Variants in DPP10 observed in about 807,000 individuals in gnomAD.
DPP10 encodes inactive dipeptidyl peptidase 10.
A neutral mutation model predicts 120.9 loss-of-function variants in DPP10; 33 were observed. That is an observed-to-expected ratio of 0.27 (90% CI 0.21 to 0.37). The LOEUF (loss-of-function observed/expected upper bound fraction) is 0.37. Ranked by LOEUF, DPP10 falls within the 10% of genes least tolerant of loss-of-function variation. The pLI, the probability that DPP10 is intolerant of heterozygous loss-of-function variation, is 1.00. For missense variants in DPP10, 816 were observed against 942.8 expected, an observed-to-expected ratio of 0.87 and a Z score of 1.76; for synonymous variants, 337 against 326.1, an observed-to-expected ratio of 1.03 and a Z score of -0.36.
intron 5 of DPP10, among the ~76,000 whole-genome samples, chr2:115,568,701 A>G (rs1030065263): frequency 1.8e-4 from 27 of 151,660 alleles, no homozygotes; most frequent in African/African-American, 4.6e-4. Flanking sequence ...GCTCATTCCC[A>G]TGGAGTTAAT....
Position 115,782,417 on chromosome 2 carries a change from C to T in DPP10, c.1531+18C>T. The T allele has an allele frequency of 1.2e-6, 2 of 1,605,468 alleles. No homozygotes were observed. Among genetic ancestry groups the T allele is most frequent in the African/African-American group, 1.3e-5 (1 of 74,866 alleles). ...CCCAGCAAGTGAGTACACAAGAAGA[C>T]AATTAAGAATAGTTATGGTTGGCAT... On this transcript the variant is annotated intron_variant, in intron 17 of 25. Coordinates refer to ENST00000410059, the MANE Select transcript of DPP10 (RefSeq NM_020868.6).
chr2:114,788,430 T>C (rs1335506335), intron 1 of DPP10, among the ~76,000 whole-genome samples: 6 of 151,624 alleles, frequency 4.0e-5, no homozygotes, highest in Non-Finnish European at 7.4e-5. Context: ...TTTTTTTTTT[T>C]CCTTGAGACG....
chr2:114,576,834 G>A, intron 1 of DPP10, among the ~76,000 whole-genome samples: 1 of 151,848 alleles, frequency 6.6e-6, no homozygotes, highest in Non-Finnish European at 1.5e-5. Flanking sequence ...GGGTCATCCT[G>A]TGTAGAAATT....
At chr2:114,760,033 C>G (rs117041348) in intron 1 of DPP10, among the ~76,000 whole-genome samples, 5 of 152,206 alleles carry the variant, frequency 3.3e-5, no homozygotes, top group African/African-American at 1.2e-4. Context: ...ACCACCTGCA[C>G]CATTACCACC....
At chr2:115,347,282 C>G (rs752956577) in intron 3 of DPP10, among the ~76,000 whole-genome samples, 1 of 152,074 alleles carries the variant, frequency 6.6e-6, no homozygotes, top group Non-Finnish European at 1.5e-5. Flanking sequence ...CTTACCTGTT[C>G]AGATCCTTCT....
chr2:114,827,699 T>C (rs1686689841), intron 1 of DPP10, among the ~76,000 whole-genome samples: 1 of 152,124 alleles, frequency 6.6e-6, no homozygotes, highest in Non-Finnish European at 1.5e-5. Context: ...TATAAAAATG[T>C]TTTTCTTGTA....
intron 5 of DPP10, among the ~76,000 whole-genome samples, chr2:115,548,456 A>T (rs1340299008): frequency 2.6e-5 from 4 of 152,162 alleles, no homozygotes; most frequent in African/African-American, 9.7e-5. Flanking sequence ...ACAGTTTAGG[A>T]CACAGAAGTA....
chr2:115,382,751 T>A (rs1291833481), intron 3 of DPP10, among the ~76,000 whole-genome samples: 1 of 152,218 alleles, frequency 6.6e-6, no homozygotes, highest in African/African-American at 2.4e-5. Flanking sequence ...TTATTGCCAC[T>A]TTCCATTTAC....
At chr2:115,790,120 C>T (rs949512221) in intron 17 of DPP10, among the ~76,000 whole-genome samples, 17 of 148,846 alleles carry the variant, frequency 1.1e-4, no homozygotes, top group African/African-American at 2.2e-4. Flanking sequence ...TCGCCCAGGC[C>T]GGACTGCGGA....
intron 1 of DPP10, among the ~76,000 whole-genome samples, chr2:114,629,061 T>C (rs1217356093): frequency 6.6e-6 from 1 of 152,126 alleles, no homozygotes; most frequent in Non-Finnish European, 1.5e-5. Flanking sequence ...GTTGTGCACC[T>C]CCCATGGGTT....
At chr2:115,287,381 G>A (rs1490293500) in intron 1 of DPP10, among the ~76,000 whole-genome samples, 1 of 152,026 alleles carries the variant, frequency 6.6e-6, no homozygotes, top group Non-Finnish European at 1.5e-5. Flanking sequence ...GGCTTTTAGT[G>A]TGCCCAACAC....
At chr2:114,734,847 C>G (rs571806212) in intron 1 of DPP10, among the ~76,000 whole-genome samples, 2 of 152,242 alleles carry the variant, frequency 1.3e-5, no homozygotes, top group South Asian at 4.1e-4. Context: ...CTACCACAGA[C>G]TAGATGAGTT....
chr2:115,134,672 T>TCATCTA (rs2050555400), intron 1 of DPP10, among the ~76,000 whole-genome samples: 3 of 151,826 alleles, frequency 2.0e-5, no homozygotes, highest in Non-Finnish European at 4.4e-5. Flanking sequence ...AAGATCAGAG[T>TCATCTA]AATAGCATAA....
intron 4 of DPP10, among the ~76,000 whole-genome samples, chr2:115,505,434 A>G (rs1420120006): frequency 6.6e-6 from 1 of 152,044 alleles, no homozygotes; most frequent in African/African-American, 2.4e-5. Context: ...TTTTTTTAGA[A>G]GATTCTTATT....
intron 7 of DPP10, among the ~76,000 whole-genome samples, chr2:115,722,531 A>G (rs1038833161): frequency 1.6e-4 from 24 of 152,024 alleles, no homozygotes; most frequent in Non-Finnish European, 2.5e-4. Flanking sequence ...GCCTACTAGG[A>G]ATAGGCTATA....
chr2:115,713,616 A>G (rs1204720862), intron 7 of DPP10, among the ~76,000 whole-genome samples: 2 of 152,186 alleles, frequency 1.3e-5, no homozygotes, highest in Non-Finnish European at 2.9e-5. Flanking sequence ...AATAAATGCT[A>G]TTACAAAGCA....
Position 115,780,892 on chromosome 2 carries a change from A to T in DPP10, c.1380A>T (p.Leu460Phe). The change falls in exon 16 of 26, where the codon TTA (leucine) becomes TTT (phenylalanine). Residue 460 changes from leucine (L) to phenylalanine (F), a missense_variant. Coordinates refer to ENST00000410059, the MANE Select transcript of DPP10 (RefSeq NM_020868.6). ...TCTCCAGTGCTTCTACTGAAGGATT[A>T]TTGAATCGCCAATGCATTTCATGTA... ...RQLYSASTEG[L>F]LNRQCISCNF... 1 of 1,603,628 alleles carries T rather than the reference A, an allele frequency of 6.2e-7. No homozygotes were observed. The highest frequency in any genetic ancestry group is 8.5e-7 in the Non-Finnish European group (1 of 1,173,418).
intron 1 of DPP10, among the ~76,000 whole-genome samples, chr2:115,023,266 A>G (rs1269982447): frequency 1.3e-5 from 2 of 152,156 alleles, no homozygotes; most frequent in African/African-American, 4.8e-5. Context: ...AAAGACTAAT[A>G]TCCAGAATCT....
At chr2:115,396,797 C>T (rs2067710674) in intron 3 of DPP10, among the ~76,000 whole-genome samples, 1 of 152,134 alleles carries the variant, frequency 6.6e-6, no homozygotes, top group African/African-American at 2.4e-5. Context: ...TTCCCATCCT[C>T]ATTGCACAAT....
Sources: gnomAD v4.1 joint callset for allele counts (sites outside exome capture counted in the v4.1 genomes callset) on GRCh38, gnomAD v4.1.1 for gene constraint, MANE v1.5 for transcripts, NCBI Gene and HGNC (gene_info 2026-07-23, HGNC 2026-07-21) for gene names.